GULP1: variants seen among roughly 807,000 people sequenced by gnomAD.
GULP1 encodes PTB domain-containing engulfment adapter protein 1.
Under a neutral mutation model 40.9 loss-of-function variants are expected in GULP1, and 19 were observed. The ratio of observed to expected loss-of-function variants is 0.46; its 90% CI spans 0.32 to 0.68. The LOEUF (loss-of-function observed/expected upper bound fraction) is 0.68, where lower values mean the gene tolerates loss of function less well. Among genes scored for constraint, GULP1 ranks in the 30% least tolerant of loss-of-function variants. The pLI is 0.03. For missense variants in GULP1, 312 were observed against 362.2 expected (o/e 0.86, Z 1.12); for synonymous variants, 119 against 117.6 (o/e 1.01, Z -0.08).
intron 2 of GULP1, among the ~76,000 whole-genome samples, chr2:188,399,709 A>AC (rs1476408633): frequency 2.0e-5 from 3 of 150,206 alleles, no homozygotes; most frequent in Non-Finnish European, 3.0e-5. Flanking sequence ...AAAAAAAAAA[A>AC]AAAAACATCA....
At chr2:188,324,673 T>TTTTACCAG (rs2040486336) in intron 1 of GULP1, among the ~76,000 whole-genome samples, 1 of 152,008 alleles carries the variant, frequency 6.6e-6, no homozygotes, top group Non-Finnish European at 1.5e-5. Flanking sequence ...ATTAGATGCA[T>TTTTACCAG]GTATTATTTC....
chr2:188,306,946 T>C (rs996408790), intron 1 of GULP1, among the ~76,000 whole-genome samples: 5 of 152,200 alleles, frequency 3.3e-5, no homozygotes, highest in African/African-American at 1.2e-4. Context: ...TTGATGACTA[T>C]CAATAATTGT....
intron 7 of GULP1, among the ~76,000 whole-genome samples, chr2:188,550,011 T>C (rs1693037768): frequency 6.6e-6 from 1 of 151,760 alleles, no homozygotes; most frequent in African/African-American, 2.4e-5. Context: ...AATCAAATTA[T>C]TCTGTATTCT....
intron 4 of GULP1, among the ~76,000 whole-genome samples, chr2:188,501,263 T>C (rs1371978133): frequency 4.0e-5 from 6 of 151,552 alleles, no homozygotes; most frequent in African/African-American, 1.5e-4. Context: ...TGAGTTCTCA[T>C]GAGATCTGAT....
At chr2:188,329,209 G>A (rs183719405) in intron 1 of GULP1, among the ~76,000 whole-genome samples, 6 of 151,652 alleles carry the variant, frequency 4.0e-5, no homozygotes, top group Non-Finnish European at 7.4e-5. Flanking sequence ...GGAGGCAATA[G>A]CACTATTATT....
chr2:188,490,392 A>G (rs2062254757), intron 4 of GULP1, among the ~76,000 whole-genome samples: 1 of 152,136 alleles, frequency 6.6e-6, no homozygotes, highest in Non-Finnish European at 1.5e-5. Flanking sequence ...GACAAGTAAA[A>G]TATGTATATG....
At position 188,500,973 on chromosome 2, in the gene GULP1, G is replaced by A. The variant is rs77360868; in HGVS notation, c.90+17481G>A. On this transcript the variant is annotated intron_variant, in intron 4 of 11. Coordinates refer to ENST00000409830, the MANE Select transcript of GULP1 (RefSeq NM_016315.4). ...TAGCACTGTTAACTGCTTAAAATTT[G>A]TCAGGCATGTATTCTGTCTTTATGT... Among the ~76,000 whole-genome samples, 1,022 of 152,024 alleles carry A rather than the reference G, an allele frequency of 6.7e-3. 16 individuals are homozygous for A. The highest frequency in any genetic ancestry group is 0.024 in the African/African-American group (977 of 41,512).
At chr2:188,301,220 C>T (rs1238953222) in intron 1 of GULP1, among the ~76,000 whole-genome samples, 1 of 152,078 alleles carries the variant, frequency 6.6e-6, no homozygotes, top group East Asian at 1.9e-4. Context: ...GACAGGTTCT[C>T]ACTGTGTTGC....
intron 11 of GULP1, chr2:188,588,218 A>G (rs1249642286): frequency 2.4e-6 from 1 of 413,742 alleles, no homozygotes; most frequent in Non-Finnish European, 4.5e-6. Flanking sequence ...ATGGATTCTA[A>G]TGGTTCATTG....
At chr2:188,501,651 C>T (rs775886702) in intron 4 of GULP1, among the ~76,000 whole-genome samples, 113 of 151,856 alleles carry the variant, frequency 7.4e-4, no homozygotes, top group Admixed American at 2.6e-4. Flanking sequence ...AAGATGTTTC[C>T]GCGTCTTAGA....
intron 2 of GULP1, among the ~76,000 whole-genome samples, chr2:188,469,687 G>A (rs1276257501): frequency 6.6e-6 from 1 of 151,994 alleles, no homozygotes; most frequent in Non-Finnish European, 1.5e-5. Flanking sequence ...TAGTAGCTGT[G>A]GGTCTGTCAT....
chr2:188,316,262 A>G (rs2039067924), intron 1 of GULP1, among the ~76,000 whole-genome samples: 1 of 152,176 alleles, frequency 6.6e-6, no homozygotes, highest in Non-Finnish European at 1.5e-5. Flanking sequence ...AACTTCTAAT[A>G]TATTTGAAGA....
chr2:188,514,040 A>AGTGTGT (rs1164481151), intron 4 of GULP1, among the ~76,000 whole-genome samples: 16,063 of 122,860 alleles, frequency 0.13, 1,295 homozygotes, highest in Non-Finnish European at 0.15. Flanking sequence ...TCCCCTTCTG[A>AGTGTGT]GTGTGTGTGT....
At chr2:188,307,936 A>G (rs60685566) in intron 1 of GULP1, among the ~76,000 whole-genome samples, 111 of 152,328 alleles carry the variant, frequency 7.3e-4, no homozygotes, top group African/African-American at 2.3e-3. Context: ...TAAGAGAAAC[A>G]TTAATCATTT....
intron 2 of GULP1, among the ~76,000 whole-genome samples, chr2:188,432,474 GT>G (rs1413632667): frequency 7.3e-5 from 11 of 151,632 alleles, no homozygotes; most frequent in Middle Eastern, 7.3e-3. Context: ...TTTTTAAATT[GT>G]TTTGCCAATA....
At chr2:188,422,903 A>G (rs1207895915) in intron 2 of GULP1, among the ~76,000 whole-genome samples, 2 of 152,084 alleles carry the variant, frequency 1.3e-5, no homozygotes, top group African/African-American at 2.4e-5. Context: ...CTTGTACAGC[A>G]CTATTTAATT....
At chr2:188,545,407 A>G (rs897810129) in intron 7 of GULP1, among the ~76,000 whole-genome samples, 12 of 151,946 alleles carry the variant, frequency 7.9e-5, no homozygotes, top group African/African-American at 2.7e-4. Context: ...GTGATTTCAT[A>G]TATGGACATG....
At chr2:188,372,110 T>C (rs143154960) in intron 1 of GULP1, among the ~76,000 whole-genome samples, 1 of 152,240 alleles carries the variant, frequency 6.6e-6, no homozygotes, top group Non-Finnish European at 1.5e-5. Context: ...AGGATGTGCC[T>C]CTGGCAGTAT....
chr2:188,508,750 A>G (rs919258418), intron 4 of GULP1, among the ~76,000 whole-genome samples: 7 of 152,082 alleles, frequency 4.6e-5, no homozygotes, highest in Admixed American at 3.3e-4. Flanking sequence ...AAAAGCCACA[A>G]ACCCATTATT....
Sources: allele counts gnomAD v4.1 joint callset (sites outside exome capture counted in the v4.1 genomes callset), GRCh38; gene constraint gnomAD v4.1.1; transcripts MANE v1.5; gene names NCBI Gene and HGNC (gene_info 2026-07-23, HGNC 2026-07-21).